Variants in ARHGEF26 observed in about 807,000 individuals in gnomAD.
ARHGEF26 encodes the protein Rho guanine nucleotide exchange factor 26, also known as Rho guanine nucleotide exchange factor (GEF) 26.
In ARHGEF26, 59 loss-of-function variants were observed where a neutral mutation model predicts 89.4. The observed-to-expected ratio is 0.66, with a 90% CI of 0.54 to 0.82. The LOEUF is 0.82. Among genes scored for constraint, ARHGEF26 ranks in the 40% least tolerant of loss-of-function variants. ARHGEF26 has a pLI of 0.00. For synonymous variants in ARHGEF26, 500 were observed against 428.4 expected, an observed-to-expected ratio of 1.17 and a Z score of -2.06; for missense variants, 1,234 against 1,085.6, an observed-to-expected ratio of 1.14 and a Z score of -1.92.
chr3:154,151,801 C>T (rs555588092), intron 5 of ARHGEF26, among the ~76,000 whole-genome samples: 47 of 152,250 alleles, frequency 3.1e-4, no homozygotes, highest in African/African-American at 1.1e-3. Context: ...CTTTCCTGCT[C>T]CCACCCAGCC....
At chr3:154,204,963 A>G (rs879544421) in intron 9 of ARHGEF26, among the ~76,000 whole-genome samples, 3 of 152,188 alleles carry the variant, frequency 2.0e-5, no homozygotes, top group Non-Finnish European at 4.4e-5. Context: ...AATGATCCAA[A>G]GAATGTGTAT....
chr3:154,129,429 G>GT (rs1354648848), intron 3 of ARHGEF26, 145 bp from the exon 4 acceptor site: 1 of 944,766 alleles, frequency 1.1e-6, no homozygotes, highest in Non-Finnish European at 1.5e-6. Flanking sequence ...TCACTTTTCT[G>GT]TAATTATTCT....
At chr3:154,188,503 T>C (rs1713733024) in intron 7 of ARHGEF26, among the ~76,000 whole-genome samples, 1 of 152,136 alleles carries the variant, frequency 6.6e-6, no homozygotes, top group Admixed American at 6.5e-5. Flanking sequence ...CTTAAAAGAG[T>C]CACCAATTGT....
At chr3:154,198,604 A>G (rs190935116) in intron 9 of ARHGEF26, among the ~76,000 whole-genome samples, 3 of 152,324 alleles carry the variant, frequency 2.0e-5, no homozygotes, top group African/African-American at 7.2e-5. Context: ...GGAGACCGTT[A>G]TTCTAAGTGA....
In ARHGEF26 at chr3:154,122,320, C is replaced by G. The variant is rs766810328; in HGVS notation, c.328C>G (p.Arg110Gly). ...EYRAASPRLRRPKSPKLPKAV... is the reference protein window; with the variant it reads ...EYRAASPRLRGPKSPKLPKAV... ...CAGGGCTGCCTCTCCTCGACTTCGA[C>G]GGCCCAAGTCACCCAAGCTCCCCAA... Residue 110 changes from arginine to glycine, a missense_variant, in exon 2 of 15, where the codon CGG becomes GGG. Arg to Gly is a moderately radical substitution (Grantham distance 125). Transcript: ENST00000465093. 1 of 1,612,746 alleles carries G rather than the reference C, an allele frequency of 6.2e-7. No homozygotes were observed. The highest frequency in any genetic ancestry group is 1.1e-5 in the South Asian group (1 of 91,078).
intron 6 of ARHGEF26, among the ~76,000 whole-genome samples, chr3:154,165,021 A>G (rs759123538): frequency 1.3e-5 from 2 of 152,166 alleles, no homozygotes; most frequent in Non-Finnish European, 2.9e-5. Flanking sequence ...TAAAAAATGT[A>G]TGTCACAGGT....
chr3:154,172,687 C>G (rs1185699891), intron 6 of ARHGEF26, among the ~76,000 whole-genome samples: 3 of 152,152 alleles, frequency 2.0e-5, no homozygotes, highest in Admixed American at 1.3e-4. Context: ...GAGCAAGACT[C>G]TGTCTCAAAA....
At chr3:154,126,566 A>G (rs1242432251) in intron 3 of ARHGEF26, among the ~76,000 whole-genome samples, 1 of 152,114 alleles carries the variant, frequency 6.6e-6, no homozygotes, top group African/African-American at 2.4e-5. Context: ...TTTCCTTTTC[A>G]TGGAGTCCCA....
intron 11 of ARHGEF26, among the ~76,000 whole-genome samples, chr3:154,228,039 G>C (rs1042052973): frequency 6.6e-6 from 1 of 152,132 alleles, no homozygotes; most frequent in Admixed American, 6.5e-5. Flanking sequence ...GCCCTTCACA[G>C]ATGGTGTTGC....
At chr3:154,176,874 G>C (rs1228543722) in intron 6 of ARHGEF26, among the ~76,000 whole-genome samples, 2 of 152,072 alleles carry the variant, frequency 1.3e-5, no homozygotes, top group Non-Finnish European at 2.9e-5. Flanking sequence ...GAACTCCTGG[G>C]CTTAAACAAT....
intron 4 of ARHGEF26, among the ~76,000 whole-genome samples, chr3:154,138,679 G>A (rs1719169691): frequency 1.3e-5 from 2 of 152,182 alleles, no homozygotes; most frequent in South Asian, 2.1e-4. Context: ...TAACTACAAA[G>A]GCAGATGTTT....
At chr3:154,127,239 T>G (rs1296280049) in intron 3 of ARHGEF26, among the ~76,000 whole-genome samples, 1 of 152,226 alleles carries the variant, frequency 6.6e-6, no homozygotes, top group Non-Finnish European at 1.5e-5. Context: ...GTAACTTATT[T>G]TGTAAAATTT....
At chr3:154,165,659 G>A (rs185734901) in intron 6 of ARHGEF26, among the ~76,000 whole-genome samples, 14 of 152,254 alleles carry the variant, frequency 9.2e-5, no homozygotes, top group African/African-American at 3.1e-4. Context: ...ACCTGCATAA[G>A]GAATGTTAAT....
At chr3:154,213,156 T>C (rs1715483995) in intron 9 of ARHGEF26, among the ~76,000 whole-genome samples, 1 of 151,538 alleles carries the variant, frequency 6.6e-6, no homozygotes, top group African/African-American at 2.4e-5. Context: ...ATTTGATGGA[T>C]CAAAAAGACT....
intron 2 of ARHGEF26, among the ~76,000 whole-genome samples, chr3:154,123,545 T>G (rs1308298768): frequency 6.6e-6 from 1 of 152,226 alleles, no homozygotes; most frequent in Non-Finnish European, 1.5e-5. Context: ...TGCTTTTACT[T>G]ACTGAATTTT....
chr3:154,134,527 C>T (rs1277520509), intron 4 of ARHGEF26, among the ~76,000 whole-genome samples: 2 of 152,144 alleles, frequency 1.3e-5, no homozygotes, highest in Non-Finnish European at 2.9e-5. Context: ...CCCATGATCA[C>T]TTAACTCCCA....
chr3:154,219,788 C>T (rs12152361), intron 10 of ARHGEF26, among the ~76,000 whole-genome samples: 14,705 of 151,772 alleles, frequency 0.097, 770 homozygotes, highest in Middle Eastern at 0.14. Flanking sequence ...GTGGCGGGCA[C>T]CTGTAGTCCC....
At chr3:154,139,285 C>A (rs1160085051) in intron 4 of ARHGEF26, among the ~76,000 whole-genome samples, 7 of 152,150 alleles carry the variant, frequency 4.6e-5, no homozygotes, top group Admixed American at 4.6e-4. Flanking sequence ...CATCCTTGGG[C>A]CTCTTCTCTT....
chr3:154,124,437 T>C lies in ARHGEF26; in HGVS notation c.1111T>C (p.Phe371Leu). 1 of 1,531,444 alleles carries C rather than the reference T, an allele frequency of 6.5e-7. No homozygotes were observed. Among genetic ancestry groups the C allele is most frequent in the East Asian group, 2.4e-5 (1 of 41,690 alleles). 94.9% of individuals were successfully genotyped at this position (1,531,444 alleles called of 1,614,324 possible). A position where few individuals can be genotyped will look rare whatever the true frequency, so the allele number is the denominator to read the frequency against. ...AAAAATGCTGAAAGGACAAGGAACA[T>C]TTGATGGGGAAGGTAAGCATTTAAT... Reference protein sequence around the residue: ...KKKMLKGQGTFDGEENAVLYQ... With the variant: ...KKKMLKGQGTLDGEENAVLYQ... Residue 371 changes from phenylalanine (F) to leucine (L), a missense_variant, in exon 3 of 15, where the codon TTT becomes CTT. Transcript: ENST00000465093.
Sources: gnomAD v4.1 joint callset for allele counts (sites outside exome capture counted in the v4.1 genomes callset) on GRCh38, gnomAD v4.1.1 for gene constraint, MANE v1.5 for transcripts, NCBI Gene and HGNC (gene_info 2026-07-23, HGNC 2026-07-21) for gene names.